Variants in RHOBTB1 observed in about 807,000 individuals in gnomAD.
The protein encoded by RHOBTB1 is Rho related BTB domain containing 1, also known as rho-related BTB domain-containing protein 1.
RHOBTB1 carries 40 observed loss-of-function variants against 71.6 expected under a neutral mutation model. That is an observed-to-expected ratio of 0.56 (90% CI 0.43 to 0.73). The LOEUF is 0.73. Ranked by LOEUF, RHOBTB1 falls within the 30% of genes least tolerant of loss-of-function variation. The pLI is 0.00. For missense variants in RHOBTB1, 797 were observed against 894.0 expected (o/e 0.89, Z 1.38); for synonymous variants, 319 against 334.9 (o/e 0.95, Z 0.52).
intron 4 of RHOBTB1, among the ~76,000 whole-genome samples, chr10:60,899,873 T>C (rs2082331640): frequency 6.6e-6 from 1 of 152,018 alleles, no homozygotes; most frequent in Non-Finnish European, 1.5e-5. Flanking sequence ...GGGACAGAGA[T>C]ATTGGGAAGC....
At chr10:60,941,878 T>C (rs886973449) in intron 1 of RHOBTB1, 24 bp from the exon 2 acceptor site, 2 of 152,412 alleles carry the variant, frequency 1.3e-5, no homozygotes, top group African/African-American at 4.8e-5. Flanking sequence ...AGAAATACTT[T>C]ATAAATTCTA....
chr10:60,974,157 G>T (rs1033235966), intron 2 of RHOBTB1, among the ~76,000 whole-genome samples: 3 of 152,018 alleles, frequency 2.0e-5, no homozygotes, highest in Non-Finnish European at 2.9e-5. Context: ...AGTTAAGAGT[G>T]TTGTCACCCC....
intron 4 of RHOBTB1, among the ~76,000 whole-genome samples, chr10:60,906,412 C>T (rs1465331458): frequency 6.6e-6 from 1 of 152,234 alleles, no homozygotes; most frequent in African/African-American, 2.4e-5. Flanking sequence ...AGGGTCTACA[C>T]AGTACTGTGT....
intron 4 of RHOBTB1, among the ~76,000 whole-genome samples, chr10:60,908,929 A>G (rs999657616): frequency 6.6e-6 from 1 of 152,222 alleles, no homozygotes; most frequent in Non-Finnish European, 1.5e-5. Context: ...TGTTGCTCAG[A>G]GAATCAAACT....
chr10:60,975,592 G>A (rs2086289098), intron 2 of RHOBTB1, among the ~76,000 whole-genome samples: 1 of 152,058 alleles, frequency 6.6e-6, no homozygotes, highest in Non-Finnish European at 1.5e-5. Context: ...TTATGTGGAA[G>A]CAAGATGGAG....
At chr10:60,880,566 A>C (rs1330960082) in intron 7 of RHOBTB1, among the ~76,000 whole-genome samples, 1 of 152,216 alleles carries the variant, frequency 6.6e-6, no homozygotes, top group Non-Finnish European at 1.5e-5. Flanking sequence ...AATAAGTTAC[A>C]TAAGTCATTA....
intron 2 of RHOBTB1, among the ~76,000 whole-genome samples, chr10:60,971,573 A>C (rs960614094): frequency 5.3e-5 from 8 of 152,344 alleles, no homozygotes; most frequent in Non-Finnish European, 1.2e-4. Flanking sequence ...TAAACATAAG[A>C]CCTAAAACCA....
intron 1 of RHOBTB1, among the ~76,000 whole-genome samples, chr10:60,989,416 G>A (rs2086780784): frequency 1.3e-5 from 2 of 152,188 alleles, no homozygotes; most frequent in Admixed American, 1.3e-4. Flanking sequence ...TCTTCCTGGT[G>A]CCTGTCCTAG....
Position 60,872,228 on chromosome 10 carries a change from A to T in RHOBTB1, c.1878T>A (p.Ser626Arg). The change falls in exon 10 of 11, where the codon AGT becomes AGA. Residue 626 changes from serine (S) to arginine (R), a missense_variant. This residue lies in a region of RHOBTB1 where 658 missense variants were observed against 681.5 expected (regional missense o/e 0.97). Transcript: ENST00000337910. ...TTTCCTTACGGAACTTGGAGCATAC[A>T]CTGTTGTAGTTGGTGCAGATGTGGT... ...CLHHICTNYN[S>R]VCSKFRKEIK... is the part of the protein sequence containing the mutation. 6.2e-7 allele frequency: 1 copy of T among 1,614,058 alleles called. No individual in the cohort carries two copies. Among genetic ancestry groups the T allele is most frequent in the Non-Finnish European group, 8.5e-7 (1 of 1,179,984 alleles).
chr10:60,867,387 TG>T (rs1004024402), downstream of RHOBTB1, among the ~76,000 whole-genome samples: 10 of 152,254 alleles, frequency 6.6e-5, no homozygotes, highest in Admixed American at 6.5e-4. Context: ...TATTTGGGAT[TG>T]AGAACATATT....
intron 1 of RHOBTB1, among the ~76,000 whole-genome samples, chr10:60,986,409 A>ATATATATAT (rs1554860028): frequency 4.7e-5 from 6 of 127,706 alleles, no homozygotes; most frequent in African/African-American, 7.3e-5. Flanking sequence ...TAAAAGATAT[A>ATATATATAT]TATATATATA....
chr10:61,001,097 T>C (rs2087250682), intron 1 of RHOBTB1, among the ~76,000 whole-genome samples: 2 of 151,976 alleles, frequency 1.3e-5, no homozygotes, highest in African/African-American at 4.8e-5. Context: ...TGTGTGTGTG[T>C]GCTGGGGGAC....
intron 2 of RHOBTB1, among the ~76,000 whole-genome samples, chr10:60,913,412 A>G (rs765596580): frequency 2.6e-5 from 4 of 152,168 alleles, no homozygotes; most frequent in African/African-American, 9.7e-5. Context: ...GGGGAAAAAG[A>G]GTCTTTAAAA....
At chr10:60,956,577 T>C (rs1385989854) in intron 2 of RHOBTB1, among the ~76,000 whole-genome samples, 1 of 152,200 alleles carries the variant, frequency 6.6e-6, no homozygotes, top group Non-Finnish European at 1.5e-5. Flanking sequence ...CATTTAGCTG[T>C]ACAAAAATAT....
chr10:60,913,604 A>G (rs773625048), intron 2 of RHOBTB1, among the ~76,000 whole-genome samples: 5 of 152,194 alleles, frequency 3.3e-5, no homozygotes, highest in Non-Finnish European at 7.3e-5. Flanking sequence ...CAGTGTCTGG[A>G]AACGTGTCTG....
rs113474896 is a variant in RHOBTB1, at chr10:60,996,637, G to C, written c.-163+4762C>G. Among the ~76,000 whole-genome samples, 590 of 152,250 alleles carry C rather than the reference G, an allele frequency of 3.9e-3. 4 individuals are homozygous for C. The highest frequency in any genetic ancestry group is 0.014 in the African/African-American group (564 of 41,544). Reference sequence around the variant, plus strand: ...ATGGGGGCATTTTTCTCAGGAGGACGTCCAGAGCTTTTATCAATTTCATTA... The same window carrying C: ...ATGGGGGCATTTTTCTCAGGAGGACCTCCAGAGCTTTTATCAATTTCATTA... On this transcript the variant is annotated intron_variant, in intron 1 of 11. Coordinates refer to the RHOBTB1 transcript ENST00000357917.
chr10:60,986,974 C>G (rs112216453), intron 1 of RHOBTB1, among the ~76,000 whole-genome samples: 2,132 of 152,128 alleles, frequency 0.014, 26 homozygotes, highest in Middle Eastern at 0.048. Context: ...GCCGGTGGCT[C>G]CAGGCCAGTT....
Position 60,997,920 on chromosome 10 carries a change from C to T in RHOBTB1, c.-163+3479G>A, listed in dbSNP as rs148716566. On this transcript the variant is annotated intron_variant, in intron 1 of 11. Coordinates refer to the RHOBTB1 transcript ENST00000357917. ...ATTTTTGATCTGAGTGAAAAGAATG[C>T]TGTTTATAAGTCAGAAGGCTTAGGT... 1.6e-4 allele frequency among the ~76,000 whole-genome samples: 25 copies of T among 152,226 alleles called. No individual in the cohort carries two copies. The East Asian group carries it at 4.0e-3, about 25-fold the overall frequency.
At chr10:60,949,378 C>T (rs774131417) in intron 2 of RHOBTB1, among the ~76,000 whole-genome samples, 20 of 152,124 alleles carry the variant, frequency 1.3e-4, no homozygotes, top group Non-Finnish European at 8.8e-5. Context: ...TCTGTGTGTT[C>T]GTAGTTTTTG....
Sources: allele counts gnomAD v4.1 joint callset (sites outside exome capture counted in the v4.1 genomes callset), GRCh38; gene constraint gnomAD v4.1.1; regional missense constraint gnomAD v4.1.1; transcripts MANE v1.5; gene names NCBI Gene and HGNC (gene_info 2026-07-23, HGNC 2026-07-21).